The following WASHC2C variants were observed in gnomAD, a reference collection of about 807,000 sequenced individuals.
WASHC2C encodes WASH complex subunit 2C.
WASHC2C carries 73 observed loss-of-function variants against 142.2 expected under a neutral mutation model. The observed-to-expected ratio is 0.51, with a 90% CI of 0.43 to 0.62. WASHC2C has a LOEUF of 0.62. Among genes scored for constraint, WASHC2C ranks in the 20% least tolerant of loss-of-function variants. The pLI, the probability that WASHC2C is intolerant of heterozygous loss-of-function variation, is 0.00. For synonymous variants in WASHC2C, 337 were observed against 565.5 expected (o/e 0.60, Z 5.73); for missense variants, 969 against 1,531.7 (o/e 0.63, Z 6.13).
intron 18 of WASHC2C, among the ~76,000 whole-genome samples, chr10:45,764,772 G>C (rs1554881557): frequency 2.0e-5 from 3 of 152,396 alleles, no homozygotes; most frequent in African/African-American, 7.2e-5. Context: ...TGTGGCAGCT[G>C]TAACTACTAG....
intron 3 of WASHC2C, among the ~76,000 whole-genome samples, chr10:45,735,473 G>A (rs1422734960): frequency 7.0e-6 from 1 of 143,034 alleles, no homozygotes; most frequent in African/African-American, 2.7e-5. Flanking sequence ...ACTCCTGACC[G>A]CAGGTGATCC....
chr10:45,755,149 G>C lies in WASHC2C; in HGVS notation c.1420+34G>C, dbSNP rs782201678. ...TCCTGCCTCCGTTTCTAGGACTTCAGCCAGAAAAAGAATGTTGCCTAAAAA... is the reference window on the plus strand; with the variant it reads ...TCCTGCCTCCGTTTCTAGGACTTCACCCAGAAAAAGAATGTTGCCTAAAAA... On this transcript the variant is annotated intron_variant, in intron 15 of 30. Transcript: ENST00000623400. 2.1e-4 allele frequency: 336 copies of C among 1,569,468 alleles called. 4 individuals carry two copies. The Middle Eastern group carries it at 3.2e-3, about 15-fold the overall frequency.
chr10:45,729,919 C>T (rs2050332910), intron 3 of WASHC2C, among the ~76,000 whole-genome samples: 1 of 152,202 alleles, frequency 6.6e-6, no homozygotes, highest in African/African-American at 2.4e-5. Context: ...TTTTTAATAG[C>T]TCAAGTTAAA....
At chr10:45,773,529 A>C (rs1301767022) in intron 21 of WASHC2C, among the ~76,000 whole-genome samples, 171 bp downstream of exon 21, 1 of 152,304 alleles carries the variant, frequency 6.6e-6, no homozygotes, top group Non-Finnish European at 1.5e-5. Context: ...TCTACAGAAG[A>C]AGCACACGTG....
At chr10:45,784,289 T>TATATACACAC (rs1333007505) in intron 23 of WASHC2C, among the ~76,000 whole-genome samples, 8 of 17,702 alleles carry the variant, frequency 4.5e-4, no homozygotes, top group Non-Finnish European at 9.8e-4. Flanking sequence ...TATATATATA[T>TATATACACAC]ACACATATAT....
chr10:45,770,908 C>A (rs2573529), intron 20 of WASHC2C, among the ~76,000 whole-genome samples: 1 of 151,974 alleles, frequency 6.6e-6, no homozygotes, highest in South Asian at 2.1e-4. Context: ...AAATGTGAAA[C>A]GCTGAGCACA....
At chr10:45,727,914 A>T (rs984015472) in intron 2 of WASHC2C, among the ~76,000 whole-genome samples, 2 of 152,254 alleles carry the variant, frequency 1.3e-5, no homozygotes, top group African/African-American at 2.4e-5. Context: ...GGATTCTTCA[A>T]ATCGGGGGCC....
intron 8 of WASHC2C, among the ~76,000 whole-genome samples, chr10:45,746,883 A>G (rs2134446980): frequency 6.6e-6 from 1 of 152,308 alleles, no homozygotes; most frequent in Non-Finnish European, 1.5e-5. Flanking sequence ...AGTGAAAAGC[A>G]CAATTGGAAA....
At chr10:45,753,719 C>G (rs2053882815) in intron 13 of WASHC2C, among the ~76,000 whole-genome samples, 1 of 143,498 alleles carries the variant, frequency 7.0e-6, no homozygotes, top group Non-Finnish European at 1.5e-5. Context: ...AAACTCCTAT[C>G]CTCAAGTGAT....
At chr10:45,775,185 C>A (rs1180529621) in intron 21 of WASHC2C, among the ~76,000 whole-genome samples, 4 of 148,722 alleles carry the variant, frequency 2.7e-5, no homozygotes, top group Non-Finnish European at 4.5e-5. Flanking sequence ...TTTTCTGACA[C>A]CTATCAAGAA....
rs201050553 is a variant in WASHC2C at position 45,763,509 on chromosome 10, C to A, written c.1737+20C>A. ...GAAGAGGTAAACATTGTTATTGTAA[C>A]ACTAGATAATTTAGATTAGGAGAAA... On this transcript the variant is annotated intron_variant, in intron 18 of 30. Coordinates refer to ENST00000623400, the MANE Select transcript of WASHC2C (RefSeq NM_001330074.2). The A allele has an allele frequency of 1.6e-6, 1 of 612,096 alleles. No homozygotes were observed. The highest frequency in any genetic ancestry group is 2.0e-5 in the South Asian group (1 of 49,836). 37.9% of individuals were successfully genotyped at this position (612,096 alleles called of 1,614,324 possible). A position where few individuals can be genotyped will look rare whatever the true frequency, so the allele number is the denominator to read the frequency against.
chr10:45,754,896 C>T (rs551369416), intron 14 of WASHC2C, 40 bp from the exon 15 acceptor site: 146 of 1,611,298 alleles, frequency 9.1e-5, no homozygotes, highest in Admixed American at 1.7e-4. Flanking sequence ...CCGGCCCACA[C>T]TGGCTCACAG....
chr10:45,781,583 G>T (rs1554888019), intron 23 of WASHC2C, among the ~76,000 whole-genome samples: 1 of 152,208 alleles, frequency 6.6e-6, no homozygotes, highest in Non-Finnish European at 1.5e-5. Context: ...AGATATTTCA[G>T]TGGGGACAGA....
At position 45,769,458 on chromosome 10, in the gene WASHC2C, A is replaced by G; in HGVS notation, c.1879A>G (p.Asn627Asp). ...LFSSDEEDQW[N>D]IPASQTHLAS... ...TATTTTATGTTTTAAGGACCAGTGG[A>G]ATATTCCTGCTTCACAGACCCACTT... Residue 627 changes from asparagine (N) to aspartate (D), a missense_variant, in exon 20 of 31, where the codon AAT becomes GAT. Asn to Asp is a conservative substitution (Grantham distance 23). Coordinates refer to ENST00000623400, the MANE Select transcript of WASHC2C (RefSeq NM_001330074.2). 1 of 1,610,616 alleles carries G rather than the reference A, an allele frequency of 6.2e-7. No individual in the cohort carries two copies. The highest frequency in any genetic ancestry group is 8.5e-7 in the Non-Finnish European group (1 of 1,179,328).
At chr10:45,771,346 CAGAG>C (rs1486228055) in intron 20 of WASHC2C, among the ~76,000 whole-genome samples, 3 of 115,920 alleles carry the variant, frequency 2.6e-5, no homozygotes, top group Non-Finnish European at 4.9e-5. Context: ...GCCTGGGCAA[CAGAG>C]AGAGACTCCA....
intron 8 of WASHC2C, among the ~76,000 whole-genome samples, chr10:45,749,304 G>A (rs1321435412): frequency 3.5e-4 from 52 of 150,408 alleles, no homozygotes; most frequent in African/African-American, 1.2e-3. Flanking sequence ...GCGTGGTGGC[G>A]GGTGCCTGTA....
intron 23 of WASHC2C, among the ~76,000 whole-genome samples, chr10:45,784,263 T>C (rs1238035291): frequency 4.5e-3 from 22 of 4,890 alleles, no homozygotes; most frequent in South Asian, 0.024. Context: ...TATATATATA[T>C]ATATATATAT....
In WASHC2C at chr10:45,790,446, A is replaced by T; in HGVS notation, c.3799A>T (p.Ile1267Phe). 1.2e-6 allele frequency: 2 copies of T among 1,611,118 alleles called. No individual in the cohort carries two copies. The highest frequency in any genetic ancestry group is 1.7e-6 in the Non-Finnish European group (2 of 1,179,368). ...GGAATCTAATTTATTTGATGATAAC[A>T]TTGATATCTTTGCTGACTTAACTGT... ...TLESNLFDDN[I>F]DIFADLTVKP... Residue 1267 changes from isoleucine (I) to phenylalanine (F), a missense_variant, in exon 30 of 31, where the codon ATT becomes TTT. Transcript: ENST00000623400.
intron 17 of WASHC2C, among the ~76,000 whole-genome samples, chr10:45,762,707 C>G (rs1161568824): frequency 1.2e-4 from 18 of 152,104 alleles, no homozygotes; most frequent in African/African-American, 3.1e-4. Context: ...AGATCGAGAC[C>G]ATCCTGGCTA....
Sources: allele counts gnomAD v4.1 joint callset (sites outside exome capture counted in the v4.1 genomes callset), GRCh38; gene constraint gnomAD v4.1.1; transcripts MANE v1.5; gene names NCBI Gene and HGNC (gene_info 2026-07-23, HGNC 2026-07-21).